DENND4C: variants seen among roughly 807,000 people sequenced by gnomAD.
DENND4C encodes DENN domain-containing protein 4C.
In DENND4C, 108 loss-of-function variants were observed where a neutral mutation model predicts 203.0. That is an observed-to-expected ratio of 0.53 (90% CI 0.46 to 0.62). The LOEUF (loss-of-function observed/expected upper bound fraction) is 0.62, where lower values mean the gene tolerates loss of function less well. DENND4C is among the 20% of genes least tolerant of loss of function. The pLI is 0.00. For missense variants in DENND4C, 2,481 were observed against 2,301.2 expected (o/e 1.08, Z -1.60); for synonymous variants, 871 against 792.4 (o/e 1.10, Z -1.67).
intron 22 of DENND4C, among the ~76,000 whole-genome samples, chr9:19,343,294 CTG>C (rs911254006): frequency 1.3e-5 from 2 of 152,134 alleles, no homozygotes; most frequent in Non-Finnish European, 2.9e-5. Context: ...CTAAATAACT[CTG>C]TGTGTATGAC....
intron 26 of DENND4C, among the ~76,000 whole-genome samples, chr9:19,355,611 C>T (rs1279835759): frequency 6.6e-6 from 1 of 152,136 alleles, no homozygotes; most frequent in African/African-American, 2.4e-5. Context: ...TCACTTGGTT[C>T]TGCATTTTCT....
chr9:19,298,842 G>C (rs1837976356), intron 7 of DENND4C, among the ~76,000 whole-genome samples: 1 of 152,078 alleles, frequency 6.6e-6, no homozygotes, highest in African/African-American at 2.4e-5. Context: ...AGATATTGTT[G>C]ATCTTGAATG....
At chr9:19,245,745 A>G (rs775858362) in intron 1 of DENND4C, among the ~76,000 whole-genome samples, 9 of 151,588 alleles carry the variant, frequency 5.9e-5, no homozygotes, top group Non-Finnish European at 1.2e-4. Flanking sequence ...AATCCCAGCT[A>G]CTCAGAAGGC....
intron 1 of DENND4C, among the ~76,000 whole-genome samples, chr9:19,233,934 AG>A (rs550557657): frequency 1.4e-4 from 22 of 152,326 alleles, no homozygotes; most frequent in African/African-American, 4.8e-4. Flanking sequence ...GAAATTCAAA[AG>A]AAAAAATTTA....
At chr9:19,353,131 C>T (rs1263342855) in intron 26 of DENND4C, among the ~76,000 whole-genome samples, 1 of 152,166 alleles carries the variant, frequency 6.6e-6, no homozygotes, top group Non-Finnish European at 1.5e-5. Flanking sequence ...CAACTCTTCT[C>T]TTGTCACTTG....
chr9:19,266,155 G>A (rs1333240683), intron 1 of DENND4C, among the ~76,000 whole-genome samples: 1 of 152,148 alleles, frequency 6.6e-6, no homozygotes, highest in African/African-American at 2.4e-5. Flanking sequence ...ATTCTAACTG[G>A]TGTGAGATGG....
intron 12 of DENND4C, among the ~76,000 whole-genome samples, chr9:19,323,246 A>G (rs1026037926): frequency 2.0e-5 from 3 of 152,184 alleles, no homozygotes; most frequent in African/African-American, 7.2e-5. Context: ...AGCCTGGCCA[A>G]CATGGTGAAA....
intron 10 of DENND4C, among the ~76,000 whole-genome samples, chr9:19,309,247 AC>A: frequency 6.6e-6 from 1 of 152,188 alleles, no homozygotes; most frequent in South Asian, 2.1e-4. Flanking sequence ...ACATGGAGAA[AC>A]CCCATCTCTA....
chr9:19,311,637 A>G (rs987784114), intron 10 of DENND4C, among the ~76,000 whole-genome samples: 2 of 152,216 alleles, frequency 1.3e-5, no homozygotes, highest in African/African-American at 2.4e-5. Context: ...GGAAAATCAA[A>G]TAAGCTTAAG....
chr9:19,290,590 C>T lies in DENND4C; in HGVS notation c.629-114C>T, dbSNP rs114508415. On this transcript the variant is annotated intron_variant, in intron 4 of 32. Transcript: ENST00000434457. ...AAGGGGGAAATCAATTTTAAAATACCACACAAGTATTGCCATGAAATTCGG... is the reference window on the plus strand; with the variant it reads ...AAGGGGGAAATCAATTTTAAAATACTACACAAGTATTGCCATGAAATTCGG... 6.8e-4 allele frequency: 462 copies of T among 675,544 alleles called. No individual in the cohort carries two copies. In the African/African-American group the frequency reaches 7.1e-3, roughly 10 times the overall value. 41.8% of individuals were successfully genotyped at this position (675,544 alleles called of 1,614,324 possible).
rs1388417451 is a variant in DENND4C, at chr9:19,373,580, A to C, written c.*1407A>C. ...TTTAGGTTGAATCAATTAAGTCTTA[A>C]AACTGTAAATTTATTAAGCTTGTTG... On this transcript the variant is annotated 3_prime_UTR_variant, in exon 33 of 33. Transcript: ENST00000434457. 3 of 152,628 alleles carry C rather than the reference A, an allele frequency of 2.0e-5. No individual in the cohort carries two copies. The highest frequency in any genetic ancestry group is 7.2e-5 in the African/African-American group (3 of 41,430). 9.5% of individuals were successfully genotyped at this position (152,628 alleles called of 1,614,324 possible). A position where few individuals can be genotyped will look rare whatever the true frequency, so the allele number is the denominator to read the frequency against.
At chr9:19,240,243 G>C (rs563029571) in intron 1 of DENND4C, among the ~76,000 whole-genome samples, 18 of 152,272 alleles carry the variant, frequency 1.2e-4, no homozygotes, top group Non-Finnish European at 2.5e-4. Context: ...GTAGGCTATA[G>C]CCTATAGCCT....
At position 19,304,740 on chromosome 9, in the gene DENND4C, G is replaced by A. The variant is rs564483518; in HGVS notation, c.1312-612G>A. The stretch of plus-strand genomic sequence containing the variant: ...TTTTTTTTTTTTTTTTAGTAGAGAC[G>A]GGGTTTCACCTTGTTAGCCAGGATG... On this transcript the variant is annotated intron_variant, in intron 9 of 32. Transcript: ENST00000434457. 2.3e-3 allele frequency among the ~76,000 whole-genome samples: 330 copies of A among 141,446 alleles called. 1 individual carries two copies. Among genetic ancestry groups the A allele is most frequent in the Middle Eastern group, 0.011 (3 of 284 alleles). 92.8% of individuals were successfully genotyped at this position (141,446 alleles called of 152,430 possible).
intron 30 of DENND4C, among the ~76,000 whole-genome samples, chr9:19,364,051 C>G (rs1448145621): frequency 6.6e-6 from 1 of 152,020 alleles, no homozygotes; most frequent in African/African-American, 2.4e-5. Flanking sequence ...GGCGTGGTGG[C>G]TTACGCCCGT....
chr9:19,289,845 A>AAAG (rs34957975), intron 4 of DENND4C, among the ~76,000 whole-genome samples: 2 of 150,776 alleles, frequency 1.3e-5, no homozygotes, highest in Admixed American at 1.3e-4. Flanking sequence ...AAAAAAAAAA[A>AAAG]GTGATACTGT....
At chr9:19,287,425 T>C (rs1835408665) in intron 3 of DENND4C, among the ~76,000 whole-genome samples, 1 of 152,186 alleles carries the variant, frequency 6.6e-6, no homozygotes, top group African/African-American at 2.4e-5. Flanking sequence ...TCGCCCAGGC[T>C]GGAGTACAGT....
rs1821938750 is a variant in DENND4C, at chr9:19,342,762, G to T, written c.3134G>T (p.Ser1045Ile). The T allele has an allele frequency of 6.2e-7, 1 of 1,604,578 alleles. No individual in the cohort carries two copies. The highest frequency in any genetic ancestry group is 8.5e-7 in the Non-Finnish European group (1 of 1,176,272). Residue 1045 changes from serine to isoleucine, a missense_variant, in exon 22 of 33, where the codon AGC becomes ATC. Transcript: ENST00000434457. ...KVPSGIFDVN[S>I]RKSSTGSISN... is the part of the protein sequence containing the mutation. ...CCGTCTGGTATATTTGATGTCAACA[G>T]CAGGAAAAGTAGCACTGGTGAGTCT...
Position 19,340,992 on chromosome 9 carries a change from G to T in DENND4C, c.2882G>T (p.Gly961Val). ...LESIDNHSST[G>V]GQSDQGYGSK... The stretch of plus-strand genomic sequence containing the variant: ...TGTAAGTCTGCATTCTTTTTAACAG[G>T]TGGTCAGTCTGACCAAGGATACGGG... Residue 961 changes from glycine (G) to valine (V), a missense_variant and splice_region_variant, in exon 21 of 33, where the codon GGT becomes GTT. Gly to Val is a moderately radical substitution (Grantham distance 109). Transcript: ENST00000434457. 1 of 1,596,484 alleles carries T rather than the reference G, an allele frequency of 6.3e-7. No homozygotes were observed.
In DENND4C at chr9:19,352,458, C is replaced by T. The variant is rs200614389; in HGVS notation, c.4606-32C>T. ...CCTGTTAAGATTAATTTTTATTAAA[C>T]GTTCTCAGTGTCTGCATTTTTCTGT... is the stretch of plus-strand genomic sequence containing the variant. On this transcript the variant is annotated intron_variant, in intron 25 of 32. Coordinates refer to ENST00000434457, the MANE Select transcript of DENND4C (RefSeq NM_001330640.2). 266 of 1,514,136 alleles carry T rather than the reference C, an allele frequency of 1.8e-4. 1 individual carries two copies. Among genetic ancestry groups the T allele is most frequent in the East Asian group, 1.4e-3 (62 of 43,620 alleles). 93.8% of individuals were successfully genotyped at this position (1,514,136 alleles called of 1,614,324 possible).
Sources: gnomAD v4.1 joint callset for allele counts (sites outside exome capture counted in the v4.1 genomes callset) on GRCh38, gnomAD v4.1.1 for gene constraint, MANE v1.5 for transcripts, NCBI Gene and HGNC (gene_info 2026-07-23, HGNC 2026-07-21) for gene names.